NKAIN2: variants seen among roughly 807,000 people sequenced by gnomAD.
NKAIN2 encodes sodium/potassium-transporting ATPase subunit beta-1-interacting protein 2.
NKAIN2 carries 14 observed loss-of-function variants against 32.6 expected under a neutral mutation model. The observed-to-expected ratio is 0.43, with a 90% CI of 0.28 to 0.67. NKAIN2 has a LOEUF of 0.67. Among genes scored for constraint, NKAIN2 ranks in the 30% least tolerant of loss-of-function variants. The pLI is 0.17. For missense variants in NKAIN2, 198 were observed against 258.3 expected (o/e 0.77, Z 1.60); for synonymous variants, 80 against 87.2 (o/e 0.92, Z 0.46).
chr6:124,759,879 C>T (rs1177827933), intron 4 of NKAIN2, among the ~76,000 whole-genome samples: 2 of 151,852 alleles, frequency 1.3e-5, no homozygotes, highest in Admixed American at 6.6e-5. Context: ...GCAGAGTACA[C>T]ATGATCCATG....
At chr6:124,093,651 A>T (rs144709171) in intron 1 of NKAIN2, among the ~76,000 whole-genome samples, 2 of 152,176 alleles carry the variant, frequency 1.3e-5, no homozygotes, top group Non-Finnish European at 2.9e-5. Context: ...TTAAATAAAC[A>T]AATTTTCATA....
intron 1 of NKAIN2, among the ~76,000 whole-genome samples, chr6:123,938,396 T>TTA (rs71021471): frequency 3.7e-5 from 2 of 54,162 alleles, no homozygotes; most frequent in African/African-American, 5.9e-5. Context: ...TTTGCAAGGG[T>TTA]TATATATATA....
intron 4 of NKAIN2, among the ~76,000 whole-genome samples, chr6:124,695,980 A>T (rs1774477953): frequency 6.6e-6 from 1 of 152,214 alleles, no homozygotes; most frequent in South Asian, 2.1e-4. Flanking sequence ...TCCTTGAAGA[A>T]TGGACAGCCT....
At position 124,468,962 on chromosome 6, in the gene NKAIN2, A is replaced by G. The variant is rs140280245; in HGVS notation, c.273+113615A>G. 1.7e-3 allele frequency among the ~76,000 whole-genome samples: 265 copies of G among 152,314 alleles called. 1 individual carries two copies. Among genetic ancestry groups the G allele is most frequent in the African/African-American group, 6.3e-3 (262 of 41,580 alleles). ...TATCTTTTAAGTATATTAAAGCTCA[A>G]GATAAAGCTTTGTCTACCTTACAAC... On this transcript the variant is annotated intron_variant, in intron 3 of 6. Coordinates refer to ENST00000368417, the MANE Select transcript of NKAIN2 (RefSeq NM_001040214.3).
At chr6:124,509,917 A>G (rs1778644718) in intron 3 of NKAIN2, among the ~76,000 whole-genome samples, 1 of 152,204 alleles carries the variant, frequency 6.6e-6, no homozygotes, top group African/African-American at 2.4e-5. Flanking sequence ...ACCCAAATAA[A>G]TGGAGGTTTG....
At chr6:124,505,658 G>C (rs1407497818) in intron 3 of NKAIN2, among the ~76,000 whole-genome samples, 1 of 152,040 alleles carries the variant, frequency 6.6e-6, no homozygotes, top group Non-Finnish European at 1.5e-5. Flanking sequence ...TCACAATACT[G>C]CATCTATCTG....
intron 3 of NKAIN2, among the ~76,000 whole-genome samples, chr6:124,564,494 T>A (rs200398010): frequency 6.7e-6 from 1 of 149,066 alleles, no homozygotes; most frequent in Non-Finnish European, 1.5e-5. Context: ...AACCCCCCCC[T>A]CCCCCACCAG....
chr6:124,358,758 C>T (rs1397257576), intron 3 of NKAIN2, among the ~76,000 whole-genome samples: 1 of 151,566 alleles, frequency 6.6e-6, no homozygotes, highest in East Asian at 1.9e-4. Context: ...TTTTGCTGTG[C>T]AGAAGCTCTT....
intron 1 of NKAIN2, among the ~76,000 whole-genome samples, chr6:124,108,063 G>C (rs1258746966): frequency 6.6e-6 from 1 of 151,990 alleles, no homozygotes; most frequent in Admixed American, 6.6e-5. Context: ...TATTTGGATT[G>C]TTTGGTACTT....
rs550706276 is a variant in NKAIN2 at position 124,098,893 on chromosome 6, T to C, written c.55-184112T>C. Reference sequence around the variant, plus strand: ...TCAAGAAAAATAATAATAATAATAATAATTAAATAACAAAGTGTGTTTTCC... The same window carrying C: ...TCAAGAAAAATAATAATAATAATAACAATTAAATAACAAAGTGTGTTTTCC... On this transcript the variant is annotated intron_variant, in intron 1 of 6. Transcript: ENST00000368417. 1.3e-4 allele frequency among the ~76,000 whole-genome samples: 19 copies of C among 151,864 alleles called. No homozygotes were observed. In the East Asian group the frequency reaches 3.1e-3, roughly 25 times the overall value.
chr6:123,951,782 T>C (rs1671584113), intron 1 of NKAIN2, among the ~76,000 whole-genome samples: 1 of 151,932 alleles, frequency 6.6e-6, no homozygotes, highest in Non-Finnish European at 1.5e-5. Flanking sequence ...GTATAACCTA[T>C]TAATATTCAT....
At chr6:123,826,600 G>T (rs1774157895) in intron 1 of NKAIN2, among the ~76,000 whole-genome samples, 1 of 152,028 alleles carries the variant, frequency 6.6e-6, no homozygotes, top group African/African-American at 2.4e-5. Context: ...CATATAAGTA[G>T]AATCATATAT....
At chr6:124,086,648 AAAGT>A (rs1215444671) in intron 1 of NKAIN2, among the ~76,000 whole-genome samples, 6 of 151,986 alleles carry the variant, frequency 3.9e-5, no homozygotes, top group Admixed American at 1.3e-4. Context: ...AAAGGATAAT[AAAGT>A]AATACTGTGA....
intron 1 of NKAIN2, among the ~76,000 whole-genome samples, chr6:124,143,755 T>C (rs1331822657): frequency 6.6e-6 from 1 of 152,156 alleles, no homozygotes; most frequent in Non-Finnish European, 1.5e-5. Flanking sequence ...ATTTTTTTAA[T>C]CTAGTAGAAT....
At chr6:124,599,173 A>G (rs577335601) in intron 3 of NKAIN2, among the ~76,000 whole-genome samples, 1 of 152,076 alleles carries the variant, frequency 6.6e-6, no homozygotes, top group Admixed American at 6.6e-5. Context: ...TGCCTCATCA[A>G]ACCCTTAAAG....
chr6:124,338,665 G>A (rs919339466), intron 2 of NKAIN2, among the ~76,000 whole-genome samples: 1 of 152,022 alleles, frequency 6.6e-6, no homozygotes, highest in African/African-American at 2.4e-5. Context: ...GTCTTATATT[G>A]TTAGAATGTT....
chr6:123,992,462 G>T (rs902447818), intron 1 of NKAIN2, among the ~76,000 whole-genome samples: 1 of 152,134 alleles, frequency 6.6e-6, no homozygotes, highest in African/African-American at 2.4e-5. Context: ...ATATTTCAGG[G>T]TTGCTAGAAT....
chr6:124,352,119 C>T (rs1171731367), intron 2 of NKAIN2, among the ~76,000 whole-genome samples: 4 of 152,142 alleles, frequency 2.6e-5, no homozygotes, highest in Non-Finnish European at 4.4e-5. Flanking sequence ...GGTCATATCA[C>T]TTGAAGATAG....
chr6:124,030,906 G>T (rs1370546066), intron 1 of NKAIN2, among the ~76,000 whole-genome samples: 1 of 152,114 alleles, frequency 6.6e-6, no homozygotes, highest in African/African-American at 2.4e-5. Flanking sequence ...TCTTGTGCTG[G>T]AGAGTCTCAC....
Sources: gnomAD v4.1 joint callset for allele counts (sites outside exome capture counted in the v4.1 genomes callset) on GRCh38, gnomAD v4.1.1 for gene constraint, MANE v1.5 for transcripts, NCBI Gene and HGNC (gene_info 2026-07-23, HGNC 2026-07-21) for gene names.